FAM32A: variants seen among roughly 807,000 people sequenced by gnomAD.
FAM32A encodes protein FAM32A.
FAM32A carries 9 observed loss-of-function variants against 15.8 expected under a neutral mutation model. That is an observed-to-expected ratio of 0.57 (90% CI 0.34 to 1.00). FAM32A has a LOEUF of 1.00. FAM32A is among the 50% of genes least tolerant of loss of function. The pLI is 0.02. For missense variants in FAM32A, 113 were observed against 138.3 expected, an observed-to-expected ratio of 0.82 and a Z score of 0.92; for synonymous variants, 64 against 54.9, an observed-to-expected ratio of 1.16 and a Z score of -0.73.
intron 2 of FAM32A, chr19:16,187,356 G>A (rs1342983321): frequency 6.6e-6 from 1 of 151,856 alleles, no homozygotes; most frequent in African/African-American, 2.4e-5. Context: ...CTACTTGGGA[G>A]GCTGAGGCAG....
chr19:16,190,602 TGAGCCATTCA>T (rs1319631499), intron 3 of FAM32A, 29 bp downstream of exon 3: 5 of 1,588,700 alleles, frequency 3.1e-6, no homozygotes, highest in Non-Finnish European at 4.3e-6. Context: ...TGGGGGAGAC[TGAGCCATTCA>T]GGGTCCCAGC....
chr19:16,190,660 G>C, intron 3 of FAM32A, 87 bp downstream of exon 3: 2 of 1,104,792 alleles, frequency 1.8e-6, no homozygotes, highest in South Asian at 2.5e-5. Context: ...GGGAGCTGTT[G>C]GCATGTTGAC....
At position 16,185,706 on chromosome 19, in the gene FAM32A, C is replaced by T; in HGVS notation, c.157C>T (p.Arg53Cys). Residue 53 changes from arginine to cysteine, a missense_variant, in exon 2 of 4, where the codon CGC becomes TGC. By Grantham distance (180) the Arg-to-Cys change is radical. Transcript: ENST00000263384. ...TSKKNEEEKR[R>C]GLDKRTPAQA... ...CAAAAAGAACGAGGAGGAGAAGCGG[C>T]GCGGCCTGGACAAGCGGACCCCGGC... 6.4e-7 allele frequency: 1 copy of T among 1,564,132 alleles called. No homozygotes were observed. Among genetic ancestry groups the T allele is most frequent in the Non-Finnish European group, 8.7e-7 (1 of 1,152,956 alleles).
Position 16,185,628 on chromosome 19 carries a change from A to T in FAM32A, c.79A>T (p.Lys27Ter), listed in dbSNP as rs2091382115. 1 of 1,600,132 alleles carries T rather than the reference A, an allele frequency of 6.2e-7. No homozygotes were observed. Among genetic ancestry groups the T allele is most frequent in the African/African-American group, 1.3e-5 (1 of 74,722 alleles). ...VAELGVTKRK[K>*]KKKDKDKAKL... is the part of the protein sequence containing the mutation. ...CCTCCTCATGTCTTTTTCCAGGAAG[A>T]AGAAAAAGAAGGACAAAGACAAAGC... is the stretch of plus-strand genomic sequence containing the variant. The change falls in exon 2 of 4, where the codon AAG becomes TAG. Residue 27 changes from lysine (K) to a stop codon, truncating the protein, a stop_gained. Transcript: ENST00000263384. LOFTEE classifies it high-confidence loss of function.
rs2091405161 is a variant in FAM32A, at chr19:16,191,198, G to T, written c.*243G>T. 2 of 500,612 alleles carry T rather than the reference G, an allele frequency of 4.0e-6. No homozygotes were observed. The highest frequency in any genetic ancestry group is 4.2e-5 in the South Asian group (2 of 47,984). The allele number at this position is 500,612 out of a possible 1,614,324, so 31.0% of individuals were successfully genotyped here. ...TACACCCTTTTCGTTTGGATGGAAA[G>T]TTTCTAAGTTTATCCAGAGGTAAAG... On this transcript the variant is annotated 3_prime_UTR_variant, in exon 4 of 4. Transcript: ENST00000263384.
At position 16,191,988 on chromosome 19, in the gene FAM32A, G is replaced by GCAGAAGAGAAAAAAAA. The variant is rs2091409080; in HGVS notation, c.*1033_*1034insCAGAAGAGAAAAAAAA. 1 of 152,238 alleles carries GCAGAAGAGAAAAAAAA rather than the reference G, an allele frequency of 6.6e-6. No individual in the cohort carries two copies. The highest frequency in any genetic ancestry group is 1.5e-5 in the Non-Finnish European group (1 of 68,044). The allele number at this position is 152,238 out of a possible 1,614,324, so 9.4% of individuals were successfully genotyped here. A position where few individuals can be genotyped will look rare whatever the true frequency, so the allele number is the denominator to read the frequency against. On this transcript the variant is annotated 3_prime_UTR_variant, in exon 4 of 4. Coordinates refer to ENST00000263384, the MANE Select transcript of FAM32A (RefSeq NM_014077.4). ...TGAAGGCAGAAGAGAAAAACGAAGTGTGGAATTTGGGGTTGTCCTGTGTAA... is the reference window on the plus strand; with the variant it reads ...TGAAGGCAGAAGAGAAAAACGAAGTGCAGAAGAGAAAAAAAATGGAATTTGGGGTTGTCCTGTGTAA...
chr19:16,190,027 G>A (rs2091400000), intron 2 of FAM32A, among the ~76,000 whole-genome samples: 1 of 152,132 alleles, frequency 6.6e-6, no homozygotes, highest in African/African-American at 2.4e-5. Flanking sequence ...TGTTTGAAGT[G>A]AGGATCAGAG....
chr19:16,185,790 G>A (rs997040472), intron 2 of FAM32A, 25 bp downstream of exon 2: 2 of 1,543,416 alleles, frequency 1.3e-6, no homozygotes, highest in Non-Finnish European at 8.7e-7. Context: ...AAGGCGGCGG[G>A]GAGGCGGGAA....
rs374124651 is a variant in FAM32A, at chr19:16,185,523, C to T, written c.74+7C>T. 1.9e-5 allele frequency: 29 copies of T among 1,566,082 alleles called. No homozygotes were observed. The highest frequency in any genetic ancestry group is 2.3e-5 in the Non-Finnish European group (27 of 1,154,634). On this transcript the variant is annotated splice_region_variant and intron_variant, in intron 1 of 3. Transcript: ENST00000263384. ...AGCTGGGAGTGACCAAGCGGTGAGG[C>T]CCGAGGGCCCGCGGGATTCCGTCTT...
Position 16,191,130 on chromosome 19 carries a change from C to A in FAM32A, c.*175C>A. ...TTCTGGAACTTGATTAAAGTAAGAT[C>A]GTCCTTGTACTCAGTTTAGGCTTCT... On this transcript the variant is annotated 3_prime_UTR_variant, in exon 4 of 4. Transcript: ENST00000263384. The A allele has an allele frequency of 1.6e-6, 1 of 624,542 alleles. No individual in the cohort carries two copies. The highest frequency in any genetic ancestry group is 2.9e-6 in the Non-Finnish European group (1 of 343,560). 38.7% of individuals were successfully genotyped at this position (624,542 alleles called of 1,614,324 possible). A position where few individuals can be genotyped will look rare whatever the true frequency, so the allele number is the denominator to read the frequency against.
intron 2 of FAM32A, chr19:16,189,499 A>G (rs1456030305): frequency 6.6e-6 from 1 of 152,036 alleles, no homozygotes; most frequent in Non-Finnish European, 1.5e-5. Flanking sequence ...GAGTTAACTG[A>G]GTCCACGGCC....
chr19:16,185,690 C>CGAG lies in FAM32A; in HGVS notation c.148_150dup (p.Glu50dup), dbSNP rs1181710182. 6.3e-7 allele frequency: 1 copy of CGAG among 1,577,230 alleles called. No homozygotes were observed. The highest frequency in any genetic ancestry group is 1.2e-5 in the South Asian group (1 of 86,324). On this transcript the variant is annotated inframe_insertion, in exon 2 of 4. Transcript: ENST00000263384. ...AAGCAATGGGAACGAGCAAAAAGAA[C>CGAG]GAGGAGGAGAAGCGGCGCGGCCTGG...
chr19:16,187,084 T>G (rs1208877250), intron 2 of FAM32A, among the ~76,000 whole-genome samples: 1 of 152,124 alleles, frequency 6.6e-6, no homozygotes, highest in Non-Finnish European at 1.5e-5. Context: ...AACACATGGA[T>G]GCACTACCTC....
chr19:16,187,411 G>C (rs1409369493), intron 2 of FAM32A: 1 of 151,328 alleles, frequency 6.6e-6, no homozygotes, highest in Non-Finnish European at 1.5e-5. Flanking sequence ...GTTGCAGCGA[G>C]CCGAGATCAC....
At chr19:16,189,452 C>G (rs59167629) in intron 2 of FAM32A, 1 of 152,208 alleles carries the variant, frequency 6.6e-6, no homozygotes, top group East Asian at 1.9e-4. Flanking sequence ...GCTGCCAGGT[C>G]TTATGCATGG....
At chr19:16,185,967 G>T (rs1207095096) in intron 2 of FAM32A, among the ~76,000 whole-genome samples, 1 of 152,208 alleles carries the variant, frequency 6.6e-6, no homozygotes, top group Non-Finnish European at 1.5e-5. Flanking sequence ...CCGCTGGCCC[G>T]AGTGGGCAGC....
At chr19:16,190,082 G>A (rs1299431439) in intron 2 of FAM32A, among the ~76,000 whole-genome samples, 2 of 152,136 alleles carry the variant, frequency 1.3e-5, no homozygotes, top group African/African-American at 4.8e-5. Context: ...CCCTGGGGAT[G>A]GTGATCCTGG....
intron 2 of FAM32A, chr19:16,186,597 A>C (rs1411361531): frequency 1.3e-5 from 2 of 152,244 alleles, no homozygotes; most frequent in African/African-American, 4.8e-5. Context: ...GGCCATGCCC[A>C]TGACGACTTT....
At chr19:16,188,810 AAGG>A (rs897128180) in intron 2 of FAM32A, among the ~76,000 whole-genome samples, 5 of 152,040 alleles carry the variant, frequency 3.3e-5, no homozygotes, top group African/African-American at 1.2e-4. Context: ...TGAGGGAATG[AAGG>A]AGAAGGGGGG....
Sources: gnomAD v4.1 joint callset for allele counts (sites outside exome capture counted in the v4.1 genomes callset) on GRCh38, gnomAD v4.1.1 for gene constraint, MANE v1.5 for transcripts, NCBI Gene and HGNC (gene_info 2026-07-23, HGNC 2026-07-21) for gene names.